The following ASXL3 variants were observed in gnomAD, a reference collection of about 807,000 sequenced individuals.
ASXL3 encodes putative Polycomb group protein ASXL3.
In ASXL3, 34 loss-of-function variants were observed where a neutral mutation model predicts 170.6. That is an observed-to-expected ratio of 0.20 (90% CI 0.15 to 0.27). The LOEUF (loss-of-function observed/expected upper bound fraction) is 0.27. ASXL3 is among the 10% of genes least tolerant of loss of function. The probability of loss-of-function intolerance (pLI) is 1.00; values close to 1 mark genes in which losing one functional copy is unlikely to be tolerated. For missense variants in ASXL3, 2,592 were observed against 2,695.3 expected (o/e 0.96, Z 0.85); for synonymous variants, 1,002 against 989.1 (o/e 1.01, Z -0.24).
rs780001185 is a variant in ASXL3, at chr18:33,743,149, C to T, written c.3301C>T (p.His1101Tyr). The T allele has an allele frequency of 6.2e-7, 1 of 1,613,918 alleles. No homozygotes were observed. Residue 1101 changes from histidine to tyrosine, a missense_variant, in exon 12 of 12, where the codon CAC becomes TAC. Coordinates refer to ENST00000269197, the MANE Select transcript of ASXL3 (RefSeq NM_030632.3). ...GGGTGGAAAGACGAGAACTCTGGCA[C>T]ACATCAAAGAGCAGACAAAGGCTAA... ...GEGGKTRTLA[H>Y]IKEQTKAKLF...
chr18:33,708,571 T>G (rs1244639193), intron 8 of ASXL3, among the ~76,000 whole-genome samples: 3 of 152,182 alleles, frequency 2.0e-5, no homozygotes, highest in South Asian at 2.1e-4. Context: ...TACTGGATAA[T>G]CCTCTGTGGT....
rs112162482 is a variant in ASXL3 at position 33,730,556 on chromosome 18, A to G, written c.880-1412A>G. Among the ~76,000 whole-genome samples the G allele has an allele frequency of 7.3e-4, 111 of 152,318 alleles. 1 individual carries two copies. Among genetic ancestry groups the G allele is most frequent in the African/African-American group, 2.3e-3 (94 of 41,582 alleles). ...GAGTTATCCAGTCAAAAGATGGGGA[A>G]GCTGAGACATTCATTCATATATCAG... On this transcript the variant is annotated intron_variant, in intron 8 of 11. Transcript: ENST00000269197.
intron 4 of ASXL3, among the ~76,000 whole-genome samples, chr18:33,659,227 C>T (rs2066133239): frequency 6.6e-6 from 1 of 152,026 alleles, no homozygotes; most frequent in Non-Finnish European, 1.5e-5. Flanking sequence ...TTATTTAATC[C>T]TGCTGAAGTG....
intron 2 of ASXL3, chr18:33,626,533 T>TC (rs1055129557): frequency 6.6e-6 from 1 of 152,034 alleles, no homozygotes; most frequent in Non-Finnish European, 1.5e-5. Context: ...TTTTTTTTTT[T>TC]CCTCATGCTC....
chr18:33,720,343 A>G (rs1418917466), intron 8 of ASXL3, among the ~76,000 whole-genome samples: 3 of 152,066 alleles, frequency 2.0e-5, no homozygotes, highest in Non-Finnish European at 4.4e-5. Flanking sequence ...GTGTATTACA[A>G]ATGGAAACAG....
At chr18:33,652,528 A>G (rs980376189) in intron 4 of ASXL3, among the ~76,000 whole-genome samples, 1 of 148,026 alleles carries the variant, frequency 6.8e-6, no homozygotes, top group Non-Finnish European at 1.5e-5. Flanking sequence ...TCTGCTTGCT[A>G]TTAACCCTAA....
intron 5 of ASXL3, among the ~76,000 whole-genome samples, chr18:33,665,605 G>GTAAT (rs1230144802): frequency 6.6e-6 from 1 of 152,084 alleles, no homozygotes; most frequent in East Asian, 1.9e-4. Context: ...AAATAAAGCA[G>GTAAT]GCATTACTTG....
chr18:33,740,636 A>G (rs774759766), intron 11 of ASXL3, among the ~76,000 whole-genome samples, 193 bp downstream of exon 11: 28 of 152,190 alleles, frequency 1.8e-4, no homozygotes, highest in Non-Finnish European at 2.5e-4. Context: ...ATACATGCAT[A>G]TGTTTAGACC....
At chr18:33,705,405 A>G (rs1400391602) in intron 8 of ASXL3, among the ~76,000 whole-genome samples, 1 of 151,314 alleles carries the variant, frequency 6.6e-6, no homozygotes, top group Non-Finnish European at 1.5e-5. Context: ...TCCTTATATC[A>G]AACGTGTGTG....
At position 33,671,912 on chromosome 18, in the gene ASXL3, G is replaced by A. The variant is rs953396574; in HGVS notation, c.715+46G>A. On this transcript the variant is annotated intron_variant, in intron 7 of 11. Coordinates refer to ENST00000269197, the MANE Select transcript of ASXL3 (RefSeq NM_030632.3). ...GCCATTTCACATTTTAGAAATTTGT[G>A]TTTTCTCAAATAAATTATCTAAAAT... is the stretch of plus-strand genomic sequence containing the variant. 6 of 1,450,346 alleles carry A rather than the reference G, an allele frequency of 4.1e-6. No individual in the cohort carries two copies. The South Asian group carries it at 4.3e-5, about 10-fold the overall frequency. 89.8% of individuals were successfully genotyped at this position (1,450,346 alleles called of 1,614,324 possible). A position where few individuals can be genotyped will look rare whatever the true frequency, so the allele number is the denominator to read the frequency against.
chr18:33,720,227 A>G (rs763993964), intron 8 of ASXL3, among the ~76,000 whole-genome samples: 5 of 152,102 alleles, frequency 3.3e-5, no homozygotes, highest in Non-Finnish European at 5.9e-5. Flanking sequence ...TTGGATCAGC[A>G]GAAGCTGTCT....
intron 5 of ASXL3, among the ~76,000 whole-genome samples, 177 bp downstream of exon 5, chr18:33,661,914 AG>A (rs772913071): frequency 6.6e-6 from 1 of 152,084 alleles, no homozygotes; most frequent in Non-Finnish European, 1.5e-5. Context: ...AAACTAGGAG[AG>A]GCTTGACTGA....
intron 7 of ASXL3, among the ~76,000 whole-genome samples, chr18:33,673,072 G>A (rs910942935): frequency 2.0e-5 from 3 of 151,908 alleles, no homozygotes; most frequent in Non-Finnish European, 2.9e-5. Context: ...TAATACTCTG[G>A]GTGTTGTAAG....
intron 8 of ASXL3, among the ~76,000 whole-genome samples, chr18:33,693,250 T>A (rs540491629): frequency 6.6e-6 from 1 of 152,158 alleles, no homozygotes; most frequent in Non-Finnish European, 1.5e-5. Flanking sequence ...AAAAGATTGG[T>A]AAGTTTTTAA....
At chr18:33,589,622 G>C (rs945451755) in intron 1 of ASXL3, among the ~76,000 whole-genome samples, 1 of 152,094 alleles carries the variant, frequency 6.6e-6, no homozygotes, top group Non-Finnish European at 1.5e-5. Flanking sequence ...ACACAGATTG[G>C]AAATGTTTGC....
Position 33,667,942 on chromosome 18 carries a change from A to G in ASXL3, c.478-2731A>G, listed in dbSNP as rs547649665. 7.2e-5 allele frequency among the ~76,000 whole-genome samples: 11 copies of G among 152,316 alleles called. 1 individual carries two copies. The South Asian group carries it at 2.3e-3, about 32-fold the overall frequency. ...GGATAAGTTATATAAATAACAAAAA[A>G]TGATATTTGTTGAGTATTTACTATG... On this transcript the variant is annotated intron_variant, in intron 5 of 11. Transcript: ENST00000269197.
At position 33,630,408 on chromosome 18, in the gene ASXL3, A is replaced by G. The variant is rs189801294; in HGVS notation, c.138-14486A>G. ...TGGCTTTTTTTTTTCTAGAAAGCTT[A>G]TGTTTTAAAAAGTATGTTTATATGG... On this transcript the variant is annotated intron_variant, in intron 2 of 11. Coordinates refer to ENST00000269197, the MANE Select transcript of ASXL3 (RefSeq NM_030632.3). 1.5e-4 allele frequency among the ~76,000 whole-genome samples: 22 copies of G among 151,366 alleles called. No individual in the cohort carries two copies. In the East Asian group the frequency reaches 4.1e-3, roughly 28 times the overall value.
chr18:33,607,974 T>C (rs1273674952), intron 2 of ASXL3, among the ~76,000 whole-genome samples: 1 of 151,966 alleles, frequency 6.6e-6, no homozygotes, highest in Non-Finnish European at 1.5e-5. Context: ...AGATTGTGTT[T>C]CTGAAACCAA....
chr18:33,630,312 A>G (rs2065659148), intron 2 of ASXL3, among the ~76,000 whole-genome samples: 3 of 151,762 alleles, frequency 2.0e-5, no homozygotes, highest in Middle Eastern at 3.4e-3. Context: ...TTACATATAT[A>G]TATTTCACAC....
Sources: gnomAD v4.1 joint callset for allele counts (sites outside exome capture counted in the v4.1 genomes callset) on GRCh38, gnomAD v4.1.1 for gene constraint, MANE v1.5 for transcripts, NCBI Gene and HGNC (gene_info 2026-07-23, HGNC 2026-07-21) for gene names.